The following NRXN3 variants were observed in gnomAD, a reference collection of about 807,000 sequenced individuals.
The protein encoded by NRXN3 is neurexin III.
NRXN3 carries 32 observed loss-of-function variants against 137.6 expected under a neutral mutation model. The observed-to-expected ratio is 0.23, with a 90% CI of 0.18 to 0.31. NRXN3 has a LOEUF of 0.31. Ranked by LOEUF, NRXN3 falls within the 10% of genes least tolerant of loss-of-function variation. The pLI, the probability that NRXN3 is intolerant of heterozygous loss-of-function variation, is 1.00. For synonymous variants in NRXN3, 798 were observed against 784.5 expected (o/e 1.02, Z -0.29); for missense variants, 1,574 against 2,062.5 (o/e 0.76, Z 4.59).
chr14:78,627,117 T>A (rs2097470339), intron 4 of NRXN3, among the ~76,000 whole-genome samples: 1 of 132,046 alleles, frequency 7.6e-6, no homozygotes, highest in South Asian at 2.3e-4. Context: ...TCTCTCTCTC[T>A]CTCTCTCTCT....
chr14:79,735,420 G>A (rs1031763182), intron 19 of NRXN3, among the ~76,000 whole-genome samples: 3 of 152,090 alleles, frequency 2.0e-5, no homozygotes, highest in African/African-American at 4.8e-5. Context: ...AGCATCCCTT[G>A]AAAAATTAGA....
At chr14:78,205,302 G>T (rs2062076506) in intron 1 of NRXN3, among the ~76,000 whole-genome samples, 1 of 152,214 alleles carries the variant, frequency 6.6e-6, no homozygotes, top group Non-Finnish European at 1.5e-5. Flanking sequence ...TGGAGGTCTG[G>T]GGGGGATTAA....
rs150300637 is a variant in NRXN3, at chr14:78,859,671, G to A, written c.2275+49327G>A. Among the ~76,000 whole-genome samples the A allele has an allele frequency of 2.4e-3, 371 of 152,134 alleles. 1 individual carries two copies. Among genetic ancestry groups the A allele is most frequent in the African/African-American group, 8.6e-3 (356 of 41,516 alleles). On this transcript the variant is annotated intron_variant, in intron 10 of 20. Transcript: ENST00000335750. ...CAAGAAAATCTTAAGCTTATTTGGG[G>A]ACTGTGGTCTTGTTATATATATCAT...
chr14:78,311,207 T>G (rs1264846755), intron 4 of NRXN3, among the ~76,000 whole-genome samples: 1 of 152,144 alleles, frequency 6.6e-6, no homozygotes, highest in African/African-American at 2.4e-5. Context: ...TCAGAGGCAG[T>G]ATCTGATTTT....
chr14:78,614,184 G>A (rs1401874472), intron 4 of NRXN3, among the ~76,000 whole-genome samples: 2 of 152,340 alleles, frequency 1.3e-5, no homozygotes, highest in East Asian at 3.9e-4. Context: ...AGGTGAGGGA[G>A]AGTGGACTGG....
At chr14:79,057,266 G>T (rs1189760985) in intron 15 of NRXN3, among the ~76,000 whole-genome samples, 1 of 152,228 alleles carries the variant, frequency 6.6e-6, no homozygotes, top group Non-Finnish European at 1.5e-5. Context: ...TTAATCTAGA[G>T]CCTAATGAAA....
At chr14:79,827,942 C>T (rs544388340) in intron 20 of NRXN3, among the ~76,000 whole-genome samples, 1 of 152,054 alleles carries the variant, frequency 6.6e-6, no homozygotes, top group Non-Finnish European at 1.5e-5. Flanking sequence ...GTGATTTGCC[C>T]GCCTTGGTCA....
chr14:78,832,703 A>G (rs2098985836), intron 10 of NRXN3, among the ~76,000 whole-genome samples: 1 of 152,210 alleles, frequency 6.6e-6, no homozygotes, highest in Non-Finnish European at 1.5e-5. Flanking sequence ...CTAACTGTCA[A>G]AAACAAATGG....
chr14:79,060,208 T>C (rs1186715128), intron 15 of NRXN3, among the ~76,000 whole-genome samples: 1 of 152,228 alleles, frequency 6.6e-6, no homozygotes, highest in Admixed American at 6.5e-5. Flanking sequence ...AGAGAATCTT[T>C]AGTGAAATCT....
intron 15 of NRXN3, among the ~76,000 whole-genome samples, chr14:79,343,948 C>G (rs1456355964): frequency 6.6e-6 from 1 of 152,058 alleles, no homozygotes; most frequent in East Asian, 1.9e-4. Flanking sequence ...CTGAAAAAAT[C>G]ACTTTTGCCA....
chr14:79,224,521 G>A lies in NRXN3; in HGVS notation c.3262+236380G>A, dbSNP rs546080963. 2.0e-4 allele frequency among the ~76,000 whole-genome samples: 31 copies of A among 152,258 alleles called. 1 individual carries two copies. The East Asian group carries it at 2.5e-3, about 12-fold the overall frequency. ...ACTGGCCAAAGTAATGGTGGGTAGA[G>A]GGAATCACTTACCTTAGCTTAAAGA... On this transcript the variant is annotated intron_variant, in intron 15 of 20. Transcript: ENST00000335750.
intron 10 of NRXN3, among the ~76,000 whole-genome samples, chr14:78,835,957 T>C (rs1463239087): frequency 1.3e-5 from 2 of 152,104 alleles, no homozygotes; most frequent in Non-Finnish European, 2.9e-5. Context: ...CCACAACACC[T>C]CTAATTACAG....
intron 16 of NRXN3, among the ~76,000 whole-genome samples, chr14:79,563,965 C>A (rs749646811): frequency 1.3e-5 from 2 of 151,992 alleles, no homozygotes; most frequent in Non-Finnish European, 2.9e-5. Context: ...AGAGAACCAG[C>A]TACTTATGGG....
chr14:79,380,193 A>G (rs372114676), intron 15 of NRXN3, among the ~76,000 whole-genome samples: 1 of 76,828 alleles, frequency 1.3e-5, no homozygotes, highest in South Asian at 3.6e-4. Context: ...TTATTTATTT[A>G]TTTTTATTTT....
intron 19 of NRXN3, among the ~76,000 whole-genome samples, chr14:79,788,562 A>G (rs559274586): frequency 2.0e-5 from 3 of 152,188 alleles, no homozygotes; most frequent in Non-Finnish European, 4.4e-5. Flanking sequence ...CACTGACTCA[A>G]ATTAACAGAA....
intron 15 of NRXN3, among the ~76,000 whole-genome samples, chr14:79,009,256 C>T (rs1405904898): frequency 1.3e-5 from 2 of 152,006 alleles, no homozygotes; most frequent in Admixed American, 1.3e-4. Context: ...TTGAGAGCCA[C>T]GTGGGCAGAG....
intron 4 of NRXN3, among the ~76,000 whole-genome samples, chr14:78,544,973 T>C (rs1211012238): frequency 1.3e-5 from 2 of 152,220 alleles, no homozygotes; most frequent in African/African-American, 2.4e-5. Flanking sequence ...AAGCATTCTT[T>C]TGTTATTGCA....
intron 4 of NRXN3, among the ~76,000 whole-genome samples, chr14:78,465,547 T>C (rs2095074157): frequency 6.6e-6 from 1 of 152,212 alleles, no homozygotes; most frequent in Non-Finnish European, 1.5e-5. Flanking sequence ...TTGTTTTTTG[T>C]TTTTGTTTTG....
chr14:79,453,691 A>G (rs918090257), intron 15 of NRXN3, among the ~76,000 whole-genome samples: 1 of 152,224 alleles, frequency 6.6e-6, no homozygotes, highest in Non-Finnish European at 1.5e-5. Flanking sequence ...AGTGAGCTCA[A>G]AATGAAACTA....
Sources: gnomAD v4.1 joint callset for allele counts (sites outside exome capture counted in the v4.1 genomes callset) on GRCh38, gnomAD v4.1.1 for gene constraint, MANE v1.5 for transcripts, NCBI Gene and HGNC (gene_info 2026-07-23, HGNC 2026-07-21) for gene names.